Variants in FLT4 observed in about 807,000 individuals in gnomAD.
FLT4 encodes fms related receptor tyrosine kinase 4.
Under a neutral mutation model 163.2 loss-of-function variants are expected in FLT4, and 30 were observed. That is an observed-to-expected ratio of 0.18 (90% CI 0.14 to 0.25). The LOEUF is 0.25. FLT4 is among the 10% of genes least tolerant of loss of function. The pLI, the probability that FLT4 is intolerant of heterozygous loss-of-function variation, is 1.00. For missense variants in FLT4, 1,510 were observed against 1,863.8 expected, an observed-to-expected ratio of 0.81 and a Z score of 3.50; for synonymous variants, 884 against 789.5, an observed-to-expected ratio of 1.12 and a Z score of -2.01.
intron 7 of FLT4, 122 bp from the exon 8 acceptor site, chr5:180,629,121 C>G (rs181824951): frequency 2.8e-6 from 4 of 1,440,710 alleles, no homozygotes; most frequent in Non-Finnish European, 3.9e-6. Flanking sequence ...CTGGCCATGC[C>G]GCCCGGTGCA....
intron 1 of FLT4, among the ~76,000 whole-genome samples, chr5:180,645,104 A>G (rs1272353523): frequency 6.6e-6 from 1 of 152,244 alleles, no homozygotes; most frequent in African/African-American, 2.4e-5. Flanking sequence ...CACGAGCCCA[A>G]GAAGCTGGTG....
chr5:180,632,794 G>C (rs1358384183), intron 1 of FLT4, among the ~76,000 whole-genome samples: 1 of 152,184 alleles, frequency 6.6e-6, no homozygotes. Context: ...ACACATGAGT[G>C]TGTATGTGGT....
intron 12 of FLT4, 145 bp downstream of exon 12, chr5:180,622,586 C>T (rs1763242171): frequency 5.8e-6 from 4 of 686,356 alleles, no homozygotes; most frequent in South Asian, 3.1e-5. Flanking sequence ...TGCTGGTGAC[C>T]CTTAAATCTA....
intron 29 of FLT4, among the ~76,000 whole-genome samples, chr5:180,603,858 C>G (rs187946935): frequency 2.0e-5 from 3 of 151,326 alleles, no homozygotes; most frequent in African/African-American, 2.4e-5. Flanking sequence ...GAGCTGAGAT[C>G]GCACCACTGC....
intron 8 of FLT4, among the ~76,000 whole-genome samples, chr5:180,627,711 C>T (rs35006544): frequency 0.38 from 58,399 of 152,082 alleles, 11,398 homozygotes; most frequent in Middle Eastern, 0.53. Flanking sequence ...TGCCTGAGGA[C>T]TGGGTAGACC....
chr5:180,627,390 G>A (rs1199789755), intron 8 of FLT4, among the ~76,000 whole-genome samples: 1 of 152,164 alleles, frequency 6.6e-6, no homozygotes, highest in Non-Finnish European at 1.5e-5. Context: ...CATGGCTCTG[G>A]TCCTGAGTCT....
At chr5:180,618,988 C>T (rs1581640474) in intron 20 of FLT4, 33 bp downstream of exon 20, 1 of 1,548,460 alleles carries the variant, frequency 6.5e-7, no homozygotes, top group Non-Finnish European at 8.7e-7. Context: ...CATTCCCCCG[C>T]CGCCCGCGGC....
intron 21 of FLT4, among the ~76,000 whole-genome samples, chr5:180,618,512 G>C (rs561535570): frequency 9.4e-4 from 143 of 152,300 alleles, no homozygotes; most frequent in Non-Finnish European, 1.8e-3. Context: ...TGCTCTGTGG[G>C]GGCCGGGCAC....
In FLT4 at chr5:180,612,555, G is replaced by A. The variant is rs375796750; in HGVS notation, c.3488C>T (p.Ser1163Leu). The A allele has an allele frequency of 1.6e-5, 26 of 1,613,960 alleles. No homozygotes were observed. The highest frequency in any genetic ancestry group is 2.2e-5 in the East Asian group (1 of 44,890). Reference sequence around the variant, plus strand: ...GTCCCCCAGGATCTCCACCAGCTCCGAGAATGCAGGTCTCGCCTTGGGGTC... The same window carrying A: ...GTCCCCCAGGATCTCCACCAGCTCCAAGAATGCAGGTCTCGCCTTGGGGTC... Reference protein sequence around the residue: ...SGDPKARPAFSELVEILGDLL... With the variant: ...SGDPKARPAFLELVEILGDLL... The change falls in exon 26 of 30, where the codon TCG becomes TTG. Residue 1163 changes from serine to leucine, a missense_variant. Physicochemically the swap from Ser to Leu is moderately radical, Grantham distance 145. Transcript: ENST00000261937.
chr5:180,609,516 C>T, intron 28 of FLT4: 1 of 357,150 alleles, frequency 2.8e-6, no homozygotes, highest in Non-Finnish European at 5.3e-6. Flanking sequence ...CAGAGTCCCC[C>T]AACATCTCCA....
rs200218361 is a variant in FLT4, at chr5:180,619,650, C to T, written c.2647+15G>A. On this transcript the variant is annotated intron_variant, in intron 18 of 29. Coordinates refer to ENST00000261937, the MANE Select transcript of FLT4 (RefSeq NM_182925.5). ...TCACCAGCTAGGCTGCCCCTTCCGC[C>T]CGCTGACCCCACACCTTTCAGCATT... 3.3e-4 allele frequency: 535 copies of T among 1,603,922 alleles called. 2 individuals carry two copies. Among genetic ancestry groups the T allele is most frequent in the South Asian group, 4.4e-5 (4 of 90,924 alleles).
At chr5:180,612,960 GC>G in intron 25 of FLT4, 50 bp downstream of exon 25, 1 of 1,409,356 alleles carries the variant, frequency 7.1e-7, no homozygotes, top group Non-Finnish European at 9.9e-7. Context: ...CAACCCCCAC[GC>G]CCCCGACGCT....
At chr5:180,648,459 A>T (rs1231868098) in intron 1 of FLT4, among the ~76,000 whole-genome samples, 1 of 152,186 alleles carries the variant, frequency 6.6e-6, no homozygotes, top group Non-Finnish European at 1.5e-5. Context: ...AATTACAAGC[A>T]TGTAAAGCCA....
At chr5:180,611,116 G>C (rs1337659439) in intron 27 of FLT4, among the ~76,000 whole-genome samples, 1 of 152,180 alleles carries the variant, frequency 6.6e-6, no homozygotes, top group Non-Finnish European at 1.5e-5. Flanking sequence ...GACACTGGTG[G>C]GTGGACAGGA....
At chr5:180,649,644 C>G (rs921301146), upstream of FLT4, 8 of 346,000 alleles carry the variant, frequency 2.3e-5, no homozygotes, top group Non-Finnish European at 3.1e-5. Context: ...CGGGGCGGGG[C>G]GGGGGCCGGA....
intron 8 of FLT4, 110 bp downstream of exon 8, chr5:180,628,772 C>T (rs537940523): frequency 1.3e-6 from 1 of 769,000 alleles, no homozygotes; most frequent in African/African-American, 1.7e-5. Flanking sequence ...TGCCTGGTCT[C>T]CGTGTGCAGG....
At chr5:180,604,765 C>A (rs1181060033) in intron 29 of FLT4, among the ~76,000 whole-genome samples, 3 of 152,186 alleles carry the variant, frequency 2.0e-5, no homozygotes, top group African/African-American at 7.2e-5. Context: ...AATATTAGTT[C>A]TTTTACTGTT....
At position 180,623,975 on chromosome 5, in the gene FLT4, C is replaced by G. The variant is rs150819165; in HGVS notation, c.1508G>C (p.Ser503Thr). The G allele has an allele frequency of 6.2e-7, 1 of 1,613,662 alleles. No homozygotes were observed. The highest frequency in any genetic ancestry group is 8.5e-7 in the Non-Finnish European group (1 of 1,180,006). Residue 503 changes from serine (S) to threonine (T), a missense_variant, in exon 11 of 30, where the codon AGC (serine) becomes ACC (threonine). Ser to Thr is a moderately conservative substitution (Grantham distance 58). Coordinates refer to ENST00000261937, the MANE Select transcript of FLT4 (RefSeq NM_182925.5). This position sits in a 1 kb window ranked among gnomAD's most constrained non-coding sequence, Gnocchi z 5.8. ...TTQDAVNPIE[S>T]LDTWTEFVEG... ...CACAAACTCGGTCCAGGTGTCCAGG[C>G]TCTCGATGGGGTTCACGGCATCCTG...
chr5:180,620,757 T>TAAG lies in FLT4; in HGVS notation c.2300-45_2300-43dup, dbSNP rs1561716583. The TAAG allele has an allele frequency of 7.0e-6, 11 of 1,580,616 alleles. No individual in the cohort carries two copies. The highest frequency in any genetic ancestry group is 9.6e-6 in the Non-Finnish European group (11 of 1,151,808). ...GGGCCGGCGTGTGTGTGTGTGTGTG[T>TAAG]AAGAGCGTGCACCTGCAGGCAGCAC... On this transcript the variant is annotated intron_variant, in intron 15 of 29. Coordinates refer to ENST00000261937, the MANE Select transcript of FLT4 (RefSeq NM_182925.5). The surrounding 1 kb of genome is among the most constrained non-coding windows in gnomAD (Gnocchi z 4.4).
Sources: gnomAD v4.1 joint callset for allele counts (sites outside exome capture counted in the v4.1 genomes callset) on GRCh38, gnomAD v4.1.1 for gene constraint, Gnocchi (gnomAD v3.1) non-coding constraint, MANE v1.5 for transcripts, NCBI Gene and HGNC (gene_info 2026-07-23, HGNC 2026-07-21) for gene names.